Variants in CUX2 observed in about 807,000 individuals in gnomAD.
The protein encoded by CUX2 is homeobox protein cut-like 2.
In CUX2, 40 loss-of-function variants were observed where a neutral mutation model predicts 144.8. That is an observed-to-expected ratio of 0.28 (90% CI 0.21 to 0.36). The LOEUF (loss-of-function observed/expected upper bound fraction) is 0.36. Ranked by LOEUF, CUX2 falls within the 10% of genes least tolerant of loss-of-function variation. The pLI is 1.00. For synonymous variants in CUX2, 827 were observed against 875.6 expected (o/e 0.94, Z 0.98); for missense variants, 1,615 against 1,994.0 (o/e 0.81, Z 3.62).
chr12:111,343,595 C>T (rs1888670735), intron 21 of CUX2, among the ~76,000 whole-genome samples: 1 of 152,156 alleles, frequency 6.6e-6, no homozygotes, highest in Admixed American at 6.6e-5. Flanking sequence ...CTCTCCTGGG[C>T]ACCAGGGTCC....
At chr12:111,159,664 A>G (rs1877625000) in intron 1 of CUX2, among the ~76,000 whole-genome samples, 1 of 152,218 alleles carries the variant, frequency 6.6e-6, no homozygotes, top group African/African-American at 2.4e-5. Flanking sequence ...CTATTCACAT[A>G]CTTCTTATTT....
chr12:111,272,995 G>T (rs186274314), intron 4 of CUX2, among the ~76,000 whole-genome samples: 2 of 152,178 alleles, frequency 1.3e-5, no homozygotes, highest in Non-Finnish European at 2.9e-5. Flanking sequence ...CATTCGAGCC[G>T]TGGCGTCTCA....
intron 1 of CUX2, among the ~76,000 whole-genome samples, chr12:111,062,233 TG>T (rs1870812341): frequency 1.3e-5 from 2 of 152,234 alleles, no homozygotes; most frequent in South Asian, 4.1e-4. Context: ...GGGGACACCT[TG>T]TGTAGAGATA....
intron 1 of CUX2, among the ~76,000 whole-genome samples, chr12:111,129,820 G>A (rs950231899): frequency 6.6e-6 from 1 of 152,180 alleles, no homozygotes; most frequent in Non-Finnish European, 1.5e-5. Flanking sequence ...ATCCAGTGTG[G>A]GGACTGTGTC....
intron 4 of CUX2, among the ~76,000 whole-genome samples, chr12:111,265,997 A>T (rs998802156): frequency 1.3e-5 from 2 of 152,198 alleles, no homozygotes; most frequent in East Asian, 3.9e-4. Context: ...GGGAAAGTCC[A>T]CTGTTCCTCT....
intron 3 of CUX2, among the ~76,000 whole-genome samples, chr12:111,228,363 T>C (rs1265049270): frequency 6.6e-6 from 1 of 152,148 alleles, no homozygotes; most frequent in Non-Finnish European, 1.5e-5. Flanking sequence ...CCCCTGCATA[T>C]AGGAAAATCC....
intron 1 of CUX2, among the ~76,000 whole-genome samples, chr12:111,125,708 G>A (rs930504209): frequency 1.3e-5 from 2 of 152,058 alleles, no homozygotes; most frequent in Non-Finnish European, 2.9e-5. Flanking sequence ...TGCAGATTCC[G>A]CATGGATAGG....
At chr12:111,218,780 G>A (rs1021957848) in intron 3 of CUX2, among the ~76,000 whole-genome samples, 2 of 152,140 alleles carry the variant, frequency 1.3e-5, no homozygotes, top group Non-Finnish European at 2.9e-5. Context: ...CTGCCGACCC[G>A]CTGAGCCCTA....
intron 4 of CUX2, among the ~76,000 whole-genome samples, chr12:111,285,649 A>G (rs1410384830): frequency 2.6e-5 from 4 of 152,170 alleles, no homozygotes; most frequent in Non-Finnish European, 5.9e-5. Context: ...ATGGCAGCCC[A>G]GCCCTCCCTG....
chr12:111,332,966 G>A (rs770188559), intron 18 of CUX2, among the ~76,000 whole-genome samples: 23 of 152,172 alleles, frequency 1.5e-4, no homozygotes, highest in Non-Finnish European at 2.8e-4. Flanking sequence ...CCAGCACTTT[G>A]GGAGGCTAAG....
chr12:111,082,260 G>A (rs986931633), intron 1 of CUX2, among the ~76,000 whole-genome samples: 1 of 152,184 alleles, frequency 6.6e-6, no homozygotes, highest in South Asian at 2.1e-4. Context: ...ATCCAGCAGA[G>A]ATGAGCGGGA....
intron 3 of CUX2, among the ~76,000 whole-genome samples, chr12:111,227,471 T>TA (rs1050988002): frequency 1.6e-4 from 25 of 151,954 alleles, no homozygotes; most frequent in African/African-American, 6.0e-4. Flanking sequence ...TGATGCAGAG[T>TA]AAAGAGGATC....
intron 1 of CUX2, among the ~76,000 whole-genome samples, chr12:111,073,298 T>C (rs961174157): frequency 2.0e-5 from 3 of 152,120 alleles, no homozygotes; most frequent in Non-Finnish European, 4.4e-5. Context: ...TTACCAACAT[T>C]ATGTTCTCAA....
At position 111,349,812 on chromosome 12, in the gene CUX2, C is replaced by A. The variant is rs1471142987; in HGVS notation, c.*1487C>A. 1 of 152,158 alleles carries A rather than the reference C, an allele frequency of 6.6e-6. No homozygotes were observed. The highest frequency in any genetic ancestry group is 1.5e-5 in the Non-Finnish European group (1 of 68,044). The allele number at this position is 152,158 out of a possible 1,614,324, so 9.4% of individuals were successfully genotyped here. ...CATGGGAAGGCTGAATTGAGTGACTCCCCAGAATGAAGATGAGAAGGTGAA... is the reference window on the plus strand; with the variant it reads ...CATGGGAAGGCTGAATTGAGTGACTACCCAGAATGAAGATGAGAAGGTGAA... On this transcript the variant is annotated 3_prime_UTR_variant, in exon 22 of 22. Coordinates refer to ENST00000261726, the MANE Select transcript of CUX2 (RefSeq NM_015267.4).
chr12:111,326,896 C>A (rs1011074349), intron 18 of CUX2, among the ~76,000 whole-genome samples: 3 of 152,162 alleles, frequency 2.0e-5, no homozygotes, highest in African/African-American at 7.2e-5. Flanking sequence ...GAGTGAGACT[C>A]TGTCTCAAAC....
intron 16 of CUX2, among the ~76,000 whole-genome samples, chr12:111,313,964 C>T (rs947463595): frequency 2.6e-5 from 4 of 152,124 alleles, no homozygotes; most frequent in Non-Finnish European, 5.9e-5. Context: ...GTGGCTGCTC[C>T]GAGCAGGTGT....
intron 1 of CUX2, among the ~76,000 whole-genome samples, chr12:111,194,284 G>A (rs550845379): frequency 1.2e-3 from 177 of 152,298 alleles, no homozygotes; most frequent in African/African-American, 2.5e-3. Flanking sequence ...GGCCACGCAC[G>A]TGATAAGCAC....
chr12:111,144,526 TG>T (rs1365145484), intron 1 of CUX2, among the ~76,000 whole-genome samples: 3 of 152,198 alleles, frequency 2.0e-5, no homozygotes, highest in African/African-American at 7.2e-5. Flanking sequence ...ACACTGGGTT[TG>T]TGGGGGGCTT....
intron 1 of CUX2, among the ~76,000 whole-genome samples, chr12:111,083,311 A>G (rs535713634): frequency 1.3e-5 from 2 of 152,268 alleles, no homozygotes; most frequent in South Asian, 4.2e-4. Context: ...GAGGCCTTCC[A>G]GAGAAAGGAT....
Sources: allele counts gnomAD v4.1 joint callset (sites outside exome capture counted in the v4.1 genomes callset), GRCh38; gene constraint gnomAD v4.1.1; transcripts MANE v1.5; gene names NCBI Gene and HGNC (gene_info 2026-07-23, HGNC 2026-07-21).